Variants in NREP observed in about 807,000 individuals in gnomAD.
The protein encoded by NREP is neuronal regeneration-related protein.
Under a neutral mutation model 8.6 loss-of-function variants are expected in NREP, and 5 were observed. That is an observed-to-expected ratio of 0.58 (90% CI 0.30 to 1.22). The LOEUF (loss-of-function observed/expected upper bound fraction) is 1.22, where lower values mean the gene tolerates loss of function less well. Ranked by LOEUF, NREP falls within the 50% of genes most tolerant of loss-of-function variation. The probability of loss-of-function intolerance (pLI) is 0.07; values close to 1 mark genes in which losing one functional copy is unlikely to be tolerated. For missense variants in NREP, 86 were observed against 82.5 expected (o/e 1.04, Z -0.17); for synonymous variants, 27 against 28.0 (o/e 0.96, Z 0.11).
chr5:111,801,136 A>G (rs1161428483), intron 2 of NREP, among the ~76,000 whole-genome samples: 2 of 152,276 alleles, frequency 1.3e-5, no homozygotes, highest in African/African-American at 4.8e-5. Context: ...CAAAGAAAGT[A>G]TTTAGTTTTT....
chr5:111,824,651 A>C (rs1355176485), intron 2 of NREP, among the ~76,000 whole-genome samples: 1 of 152,230 alleles, frequency 6.6e-6, no homozygotes, highest in East Asian at 1.9e-4. Context: ...TTAGGAATTT[A>C]ATGGGATTTT....
chr5:111,873,509 T>C (rs1753836313), intron 2 of NREP, among the ~76,000 whole-genome samples: 1 of 152,200 alleles, frequency 6.6e-6, no homozygotes, highest in Non-Finnish European at 1.5e-5. Context: ...AATTTCTTGC[T>C]GGCTGTAAAC....
chr5:111,795,156 C>T (rs552776658), intron 2 of NREP, among the ~76,000 whole-genome samples: 1 of 152,144 alleles, frequency 6.6e-6, no homozygotes, highest in Non-Finnish European at 1.5e-5. Flanking sequence ...TTCTATTTTG[C>T]TTTCTTTTAG....
chr5:111,971,562 T>A (rs1388141649), intron 2 of NREP, among the ~76,000 whole-genome samples: 1 of 152,118 alleles, frequency 6.6e-6, no homozygotes, highest in African/African-American at 2.4e-5. Context: ...AGCCCAGAAA[T>A]AAATCCATGC....
intron 2 of NREP, chr5:111,738,380 C>T (rs1051662027): frequency 2.6e-5 from 4 of 152,184 alleles, no homozygotes; most frequent in African/African-American, 4.8e-5. Flanking sequence ...TGGGTGATCC[C>T]AAGCAACAAT....
At chr5:111,869,061 A>G (rs1753729872) in intron 2 of NREP, among the ~76,000 whole-genome samples, 1 of 152,224 alleles carries the variant, frequency 6.6e-6, no homozygotes, top group Non-Finnish European at 1.5e-5. Context: ...AGAACCTAGT[A>G]AGAAATACGT....
chr5:111,976,208 C>T (rs972715632), intron 1 of NREP, among the ~76,000 whole-genome samples: 15 of 152,128 alleles, frequency 9.9e-5, no homozygotes, highest in African/African-American at 3.6e-4. Context: ...TAAATAGGAG[C>T]TCTGCATATT....
At chr5:111,862,367 C>A (rs929416333) in intron 2 of NREP, among the ~76,000 whole-genome samples, 1 of 152,092 alleles carries the variant, frequency 6.6e-6, no homozygotes, top group Non-Finnish European at 1.5e-5. Context: ...AGTATGTGCA[C>A]CCACTTCTTT....
chr5:111,905,056 G>A (rs1754746525), intron 2 of NREP, among the ~76,000 whole-genome samples: 1 of 152,028 alleles, frequency 6.6e-6, no homozygotes, highest in Non-Finnish European at 1.5e-5. Flanking sequence ...ACCCCACTGG[G>A]ATATCAGGTA....
At chr5:111,947,687 T>G (rs1756030407) in intron 2 of NREP, among the ~76,000 whole-genome samples, 1 of 152,082 alleles carries the variant, frequency 6.6e-6, no homozygotes. Context: ...TATTAGCCTA[T>G]TAATTAATAC....
intron 1 of NREP, among the ~76,000 whole-genome samples, chr5:111,756,873 A>C (rs1035949663): frequency 7.2e-5 from 11 of 152,288 alleles, no homozygotes; most frequent in African/African-American, 2.2e-4. Context: ...AACAAGCACA[A>C]AACCCCACCC....
At chr5:111,976,495 T>C (rs1368709620) in intron 1 of NREP, among the ~76,000 whole-genome samples, 2 of 152,198 alleles carry the variant, frequency 1.3e-5, no homozygotes, top group Admixed American at 6.5e-5. Context: ...CCTTCAGCAG[T>C]GCTGAGGCCA....
At chr5:111,930,304 A>T (rs910269825) in intron 2 of NREP, among the ~76,000 whole-genome samples, 1 of 152,048 alleles carries the variant, frequency 6.6e-6, no homozygotes, top group African/African-American at 2.4e-5. Context: ...GACAAATTCC[A>T]CTCCATCTGT....
At chr5:111,911,790 C>T (rs554957947) in intron 2 of NREP, among the ~76,000 whole-genome samples, 3 of 152,188 alleles carry the variant, frequency 2.0e-5, no homozygotes, top group Admixed American at 6.5e-5. Flanking sequence ...GAGGAGACCT[C>T]TGCATAGACA....
intron 2 of NREP, among the ~76,000 whole-genome samples, chr5:111,910,351 T>A (rs181336130): frequency 6.6e-6 from 1 of 152,128 alleles, no homozygotes; most frequent in Non-Finnish European, 1.5e-5. Context: ...AATCATCTTT[T>A]TTTTCCATAA....
intron 2 of NREP, among the ~76,000 whole-genome samples, chr5:111,869,423 A>T (rs1275836734): frequency 1.3e-5 from 2 of 152,196 alleles, no homozygotes; most frequent in African/African-American, 4.8e-5. Flanking sequence ...TTTACATTTC[A>T]TCTTCCCTCT....
intron 2 of NREP, among the ~76,000 whole-genome samples, chr5:111,864,217 G>T (rs751259347): frequency 7.2e-5 from 11 of 152,048 alleles, no homozygotes; most frequent in Non-Finnish European, 1.5e-4. Context: ...CATTACTGGG[G>T]TCCTAAATAA....
intron 2 of NREP, among the ~76,000 whole-genome samples, chr5:111,793,970 AC>A (rs1162381918): frequency 2.0e-5 from 3 of 152,214 alleles, no homozygotes; most frequent in Non-Finnish European, 2.9e-5. Context: ...AGGTGGGAGT[AC>A]CACTGGAGCC....
chr5:111,912,076 G>C (rs538737782), intron 2 of NREP, among the ~76,000 whole-genome samples: 1 of 152,080 alleles, frequency 6.6e-6, no homozygotes, highest in South Asian at 2.1e-4. Flanking sequence ...AGCTTCTCTT[G>C]AATTGCAAAT....
Sources: allele counts gnomAD v4.1 joint callset (sites outside exome capture counted in the v4.1 genomes callset), GRCh38; gene constraint gnomAD v4.1.1; transcripts MANE v1.5; gene names NCBI Gene and HGNC (gene_info 2026-07-23, HGNC 2026-07-21).